CNEP1R1: variants seen among roughly 807,000 people sequenced by gnomAD.
The protein encoded by CNEP1R1 is CTD nuclear envelope phosphatase 1 regulatory subunit 1.
In CNEP1R1, 10 loss-of-function variants were observed where a neutral mutation model predicts 22.7. The ratio of observed to expected loss-of-function variants is 0.44; its 90% confidence interval spans 0.27 to 0.75. The LOEUF (loss-of-function observed/expected upper bound fraction) is 0.75, where lower values mean the gene tolerates loss of function less well. Among genes scored for constraint, CNEP1R1 ranks in the 30% least tolerant of loss-of-function variants. The probability of loss-of-function intolerance (pLI) is 0.17; values close to 1 mark genes in which losing one functional copy is unlikely to be tolerated. For missense variants in CNEP1R1, 73 were observed against 151.5 expected (o/e 0.48, Z 2.72); for synonymous variants, 53 against 50.1 (o/e 1.06, Z -0.25).
At chr16:50,034,421 C>T (rs1467429535) in intron 5 of CNEP1R1, 1 of 442,014 alleles carries the variant, frequency 2.3e-6, no homozygotes, top group Non-Finnish European at 4.2e-6. Context: ...CATCTTATAA[C>T]TGATGCATCT....
chr16:50,032,070 C>G (rs1597118507), intron 3 of CNEP1R1, among the ~76,000 whole-genome samples: 1 of 152,186 alleles, frequency 6.6e-6, no homozygotes, highest in South Asian at 2.1e-4. Flanking sequence ...TTCAGCCTCT[C>G]ATTTCTTCAT....
intron 1 of CNEP1R1, 29 bp downstream of exon 1, chr16:50,025,369 C>T (rs1235641514): frequency 2.1e-6 from 3 of 1,430,490 alleles, no homozygotes; most frequent in Non-Finnish European, 2.7e-6. Flanking sequence ...GCCCGTCCCC[C>T]GTCTCCCCTC....
chr16:50,028,096 T>C (rs1211030851), intron 2 of CNEP1R1, among the ~76,000 whole-genome samples: 1 of 152,182 alleles, frequency 6.6e-6, no homozygotes, highest in Non-Finnish European at 1.5e-5. Flanking sequence ...TAGCTGAGAT[T>C]ACAGGTGCCC....
At chr16:50,026,704 G>A (rs954706964) in intron 2 of CNEP1R1, 5 of 458,522 alleles carry the variant, frequency 1.1e-5, no homozygotes, top group East Asian at 7.9e-5. Context: ...GCCAGGCGCC[G>A]TAGCTCACGC....
chr16:50,025,697 C>T, intron 1 of CNEP1R1: 1 of 1,613,624 alleles, frequency 6.2e-7, no homozygotes, highest in South Asian at 1.1e-5. Flanking sequence ...CCGGTAACTG[C>T]CAAGGTTAGG....
chr16:50,026,391 C>T lies in CNEP1R1; in HGVS notation c.26-5C>T. The stretch of plus-strand genomic sequence containing the variant: ...TAATTAGAAAATTGACATCTTTATA[C>T]CTAGATCTCAAGGCTTTTGAGAGGA... On this transcript the variant is annotated splice_polypyrimidine_tract_variant and splice_region_variant and intron_variant, in intron 1 of 5. Coordinates refer to ENST00000427478, the MANE Select transcript of CNEP1R1 (RefSeq NM_001281789.2). 1.9e-6 allele frequency: 3 copies of T among 1,599,696 alleles called. No individual in the cohort carries two copies. Among genetic ancestry groups the T allele is most frequent in the Non-Finnish European group, 2.6e-6 (3 of 1,170,574 alleles).
At position 50,034,119 on chromosome 16, in the gene CNEP1R1, G is replaced by A. The variant is rs1293420663; in HGVS notation, c.299G>A (p.Arg100Gln). The A allele has an allele frequency of 2.5e-6, 4 of 1,594,176 alleles. No individual in the cohort carries two copies. Among genetic ancestry groups the A allele is most frequent in the Non-Finnish European group, 3.4e-6 (4 of 1,169,206 alleles). ...VAPSIIAARC[R>Q]TVLAEYNMSC... The stretch of plus-strand genomic sequence containing the variant: ...GTATTCAGTATAGCTGCTCGATGTC[G>A]AACGGTATTAGCAGAATACAATATG... The change falls in exon 5 of 6, where the codon CGA becomes CAA. Residue 100 changes from arginine to glutamine, a missense_variant. By Grantham distance (43) the Arg-to-Gln change is conservative. Coordinates refer to ENST00000427478, the MANE Select transcript of CNEP1R1 (RefSeq NM_001281789.2).
intron 1 of CNEP1R1, 77 bp downstream of exon 1, chr16:50,025,417 A>T: frequency 7.4e-7 from 1 of 1,357,850 alleles, no homozygotes; most frequent in Non-Finnish European, 9.7e-7. Flanking sequence ...GGCGTCGTGA[A>T]GACCCCCGCC....
At chr16:50,034,332 T>C in intron 5 of CNEP1R1, 176 bp downstream of exon 5, 1 of 574,618 alleles carries the variant, frequency 1.7e-6, no homozygotes, top group Non-Finnish European at 3.1e-6. Flanking sequence ...GGCATTGAGA[T>C]CCATCTTACA....
chr16:50,036,819 A>G lies in CNEP1R1; in HGVS notation c.*1361A>G, dbSNP rs1054101536. 1.3e-5 allele frequency: 2 copies of G among 152,686 alleles called. No homozygotes were observed. Among genetic ancestry groups the G allele is most frequent in the African/African-American group, 4.8e-5 (2 of 41,474 alleles). 9.5% of individuals were successfully genotyped at this position (152,686 alleles called of 1,614,324 possible). ...ATTTTGAAAAGGTTTAAATTATTTC[A>G]TGAGCAATCTTTTAAATTTCATTTA... On this transcript the variant is annotated 3_prime_UTR_variant, in exon 6 of 6. Transcript: ENST00000427478.
chr16:50,027,601 T>C (rs1472233860), intron 2 of CNEP1R1, among the ~76,000 whole-genome samples: 1 of 151,396 alleles, frequency 6.6e-6, no homozygotes, highest in East Asian at 1.9e-4. Flanking sequence ...AGGTCGAGGC[T>C]GTAGTGAGCT....
chr16:50,025,462 C>T (rs1028535265), intron 1 of CNEP1R1, 122 bp downstream of exon 1: 9 of 1,221,902 alleles, frequency 7.4e-6, no homozygotes, highest in African/African-American at 1.5e-5. Flanking sequence ...AGCTAGGGGC[C>T]CGGAGCTTGG....
chr16:50,033,366 C>T (rs2144281572), intron 3 of CNEP1R1, 31 bp from the exon 4 acceptor site: 1 of 1,189,342 alleles, frequency 8.4e-7, no homozygotes, highest in African/African-American at 1.5e-5. Flanking sequence ...AGATTTTTAA[C>T]ATTTTTATAT....
At chr16:50,026,496 A>G (rs1555498669) in intron 2 of CNEP1R1, 29 bp downstream of exon 2, 1 of 1,487,172 alleles carries the variant, frequency 6.7e-7, no homozygotes, top group Non-Finnish European at 9.3e-7. Context: ...TTTTAAGGGA[A>G]AACTAACAAT....
chr16:50,027,568 T>C (rs2036196953), intron 2 of CNEP1R1, among the ~76,000 whole-genome samples: 1 of 151,232 alleles, frequency 6.6e-6, no homozygotes, highest in Non-Finnish European at 1.5e-5. Flanking sequence ...CCCAGCAACT[T>C]GGGAGGATCA....
At chr16:50,028,518 A>C (rs2036205885) in intron 2 of CNEP1R1, among the ~76,000 whole-genome samples, 1 of 152,196 alleles carries the variant, frequency 6.6e-6, no homozygotes. Context: ...TGATTTTCCT[A>C]GGTTCTCTGG....
Position 50,026,485 on chromosome 16 carries a change from AT to A in CNEP1R1, c.97+22del. The A allele has an allele frequency of 6.4e-7, 1 of 1,561,776 alleles. No homozygotes were observed. The highest frequency in any genetic ancestry group is 8.8e-7 in the Non-Finnish European group (1 of 1,138,380). ...CTGGAGAAGTAAGTTCCTGAATGTT[AT>A]TTTAAGGGAAAACTAACAATTGATA... On this transcript the variant is annotated intron_variant, in intron 2 of 5. Transcript: ENST00000427478.
At chr16:50,030,513 C>G (rs940744442) in intron 3 of CNEP1R1, among the ~76,000 whole-genome samples, 2 of 152,072 alleles carry the variant, frequency 1.3e-5, no homozygotes, top group African/African-American at 4.8e-5. Context: ...TTTCTTCATC[C>G]CATAAAACAC....
At chr16:50,027,176 G>A (rs1447838601) in intron 2 of CNEP1R1, among the ~76,000 whole-genome samples, 1 of 152,010 alleles carries the variant, frequency 6.6e-6, no homozygotes, top group East Asian at 1.9e-4. Flanking sequence ...GGCCGAGGCT[G>A]GAGTATTGCT....
Sources: allele counts gnomAD v4.1 joint callset (sites outside exome capture counted in the v4.1 genomes callset), GRCh38; gene constraint gnomAD v4.1.1; transcripts MANE v1.5; gene names NCBI Gene and HGNC (gene_info 2026-07-23, HGNC 2026-07-21).